The following RYR3 variants were observed in gnomAD, a reference collection of about 807,000 sequenced individuals.
The protein encoded by RYR3 is brain ryanodine receptor-calcium release channel.
Under a neutral mutation model 584.3 loss-of-function variants are expected in RYR3, and 207 were observed. The observed-to-expected ratio is 0.35, with a 90% CI of 0.32 to 0.40. The LOEUF (loss-of-function observed/expected upper bound fraction) is 0.40. Ranked by LOEUF, RYR3 falls within the 10% of genes least tolerant of loss-of-function variation. The pLI is 1.00. For synonymous variants in RYR3, 2,416 were observed against 2,248.5 expected (o/e 1.07, Z -2.11); for missense variants, 5,616 against 6,089.2 (o/e 0.92, Z 2.59).
chr15:33,526,005 T>A (rs1334004864), intron 3 of RYR3, among the ~76,000 whole-genome samples: 1 of 152,110 alleles, frequency 6.6e-6, no homozygotes, highest in Non-Finnish European at 1.5e-5. Context: ...CCAAACAAAC[T>A]CAGCAAGGAG....
intron 5 of RYR3, among the ~76,000 whole-genome samples, chr15:33,536,918 A>G (rs2055380620): frequency 6.6e-6 from 1 of 152,202 alleles, no homozygotes; most frequent in African/African-American, 2.4e-5. Context: ...TAGATTATGC[A>G]TTAACTGTGG....
chr15:33,853,366 A>G (rs35845225), intron 95 of RYR3, among the ~76,000 whole-genome samples, 189 bp from the exon 96 acceptor site: 10 of 150,484 alleles, frequency 6.6e-5, no homozygotes, highest in Admixed American at 1.3e-4. Flanking sequence ...AGCTTAAAAA[A>G]CAGTTATCAT....
At chr15:33,567,105 G>A (rs1001326863) in intron 12 of RYR3, among the ~76,000 whole-genome samples, 1 of 152,198 alleles carries the variant, frequency 6.6e-6, no homozygotes, top group African/African-American at 2.4e-5. Context: ...TTTTATGTTT[G>A]TGTGTAAAGA....
At chr15:33,820,005 T>C (rs1234602965) in intron 77 of RYR3, among the ~76,000 whole-genome samples, 198 bp downstream of exon 77, 1 of 152,234 alleles carries the variant, frequency 6.6e-6, no homozygotes, top group Non-Finnish European at 1.5e-5. Context: ...CCTTGAAGCT[T>C]TGCAGAAACA....
chr15:33,410,405 C>G (rs1196970490), intron 1 of RYR3, among the ~76,000 whole-genome samples: 1 of 152,246 alleles, frequency 6.6e-6, no homozygotes, highest in Admixed American at 6.5e-5. Flanking sequence ...CAATTATTCA[C>G]TACGTGTCAA....
chr15:33,468,045 C>T (rs1013646669), intron 1 of RYR3, among the ~76,000 whole-genome samples: 2 of 152,032 alleles, frequency 1.3e-5, no homozygotes, highest in Non-Finnish European at 2.9e-5. Flanking sequence ...TAAGAGAGCC[C>T]GTTTGGTGCC....
chr15:33,415,809 C>T (rs2043766863), intron 1 of RYR3, among the ~76,000 whole-genome samples: 2 of 152,190 alleles, frequency 1.3e-5, no homozygotes, highest in Non-Finnish European at 2.9e-5. Context: ...CCATCACCCA[C>T]ATAGTGAACA....
At chr15:33,681,413 A>G (rs2064602448) in intron 38 of RYR3, among the ~76,000 whole-genome samples, 1 of 152,204 alleles carries the variant, frequency 6.6e-6, no homozygotes, top group Non-Finnish European at 1.5e-5. Flanking sequence ...CTAGGGGAGA[A>G]TATACATTTC....
chr15:33,630,776 G>A (rs1373601816), intron 22 of RYR3, among the ~76,000 whole-genome samples: 1 of 152,184 alleles, frequency 6.6e-6, no homozygotes, highest in African/African-American at 2.4e-5. Context: ...CATGGAATTC[G>A]AAGAGGCATA....
intron 57 of RYR3, among the ~76,000 whole-genome samples, chr15:33,751,431 C>A (rs2071292945): frequency 6.6e-6 from 1 of 152,204 alleles, no homozygotes; most frequent in African/African-American, 2.4e-5. Context: ...GCCATTCTAA[C>A]TGGCATGAGA....
chr15:33,646,240 C>A (rs534144318), intron 28 of RYR3, 111 bp from the exon 29 acceptor site: 136 of 889,088 alleles, frequency 1.5e-4, no homozygotes, highest in Middle Eastern at 9.7e-4. Flanking sequence ...ACACAACTTA[C>A]TTCTGTAGTT....
rs1440412624 is a variant in RYR3 at position 33,636,465 on chromosome 15, T to C, written c.3471T>C (p.Ala1157=). 2 of 1,613,708 alleles carry C rather than the reference T, an allele frequency of 1.2e-6. No homozygotes were observed. The highest frequency in any genetic ancestry group is 2.2e-5 in the South Asian group (2 of 91,046). The change falls in exon 27 of 104, where the codon GCT becomes GCC. Residue 1157 remains alanine, a synonymous_variant. Coordinates refer to ENST00000634891, the MANE Select transcript of RYR3 (RefSeq NM_001036.6). ...GATGTATGATTAACCTGGATGATGC[T>C]TCAATGATCTTCACACTGAATGGGG... ...VVGCMINLDD[A]SMIFTLNGEL...
At chr15:33,451,310 CCCCTT>C (rs1274099793) in intron 1 of RYR3, among the ~76,000 whole-genome samples, 2 of 152,166 alleles carry the variant, frequency 1.3e-5, no homozygotes, top group African/African-American at 4.8e-5. Flanking sequence ...TCTCTCTCTA[CCCCTT>C]CCCCACTTAT....
chr15:33,837,566 G>A (rs2078124197), intron 88 of RYR3, 65 bp from the exon 89 acceptor site: 2 of 1,464,172 alleles, frequency 1.4e-6, no homozygotes, highest in African/African-American at 2.8e-5. Context: ...ATAGCTACCT[G>A]ACAAGTGACA....
intron 1 of RYR3, among the ~76,000 whole-genome samples, chr15:33,357,508 AC>A (rs1264433724): frequency 2.0e-5 from 3 of 152,120 alleles, no homozygotes; most frequent in African/African-American, 7.2e-5. Flanking sequence ...TAAAATCAGA[AC>A]CCTGTTCTCC....
chr15:33,613,872 T>C (rs930595429), intron 19 of RYR3, among the ~76,000 whole-genome samples: 2 of 152,234 alleles, frequency 1.3e-5, no homozygotes, highest in African/African-American at 4.8e-5. Context: ...TCCTGAGTCA[T>C]TGAGTATCTT....
intron 12 of RYR3, among the ~76,000 whole-genome samples, chr15:33,575,952 C>T (rs1208303661): frequency 1.3e-5 from 2 of 152,078 alleles, no homozygotes; most frequent in Non-Finnish European, 2.9e-5. Context: ...CACAGAAATT[C>T]AAACAACCAT....
At chr15:33,540,938 G>A (rs551810806) in intron 7 of RYR3, 48 bp downstream of exon 7, 69 of 1,212,318 alleles carry the variant, frequency 5.7e-5, no homozygotes, top group Admixed American at 1.2e-4. Flanking sequence ...TATCTCTCTT[G>A]AGCTGTATAC....
intron 3 of RYR3, among the ~76,000 whole-genome samples, chr15:33,521,810 T>C (rs1234658875): frequency 2.0e-5 from 3 of 152,168 alleles, no homozygotes; most frequent in South Asian, 2.1e-4. Flanking sequence ...AGGGCTGTCC[T>C]ATTGTGCATT....
Sources: allele counts gnomAD v4.1 joint callset (sites outside exome capture counted in the v4.1 genomes callset), GRCh38; gene constraint gnomAD v4.1.1; transcripts MANE v1.5; gene names NCBI Gene and HGNC (gene_info 2026-07-23, HGNC 2026-07-21).